Variants in KCNIP4 observed in about 807,000 individuals in gnomAD.
KCNIP4 encodes the protein potassium voltage-gated channel interacting protein 4, also known as Kv channel-interacting protein 4.
Under a neutral mutation model 34.0 loss-of-function variants are expected in KCNIP4, and 12 were observed. The ratio of observed to expected loss-of-function variants is 0.35; its 90% CI spans 0.23 to 0.57. The LOEUF is 0.57. Ranked by LOEUF, KCNIP4 falls within the 20% of genes least tolerant of loss-of-function variation. The probability of loss-of-function intolerance (pLI) is 0.83; values close to 1 mark genes in which losing one functional copy is unlikely to be tolerated. For synonymous variants in KCNIP4, 124 were observed against 102.2 expected (o/e 1.21, Z -1.29); for missense variants, 238 against 311.7 (o/e 0.76, Z 1.78).
chr4:21,152,903 C>A (rs1752862890), intron 1 of KCNIP4, among the ~76,000 whole-genome samples: 1 of 152,148 alleles, frequency 6.6e-6, no homozygotes, highest in Non-Finnish European at 1.5e-5. Context: ...TCCCCACCCC[C>A]CAACCCTGTC....
chr4:20,836,544 G>T (rs937125180), intron 3 of KCNIP4, among the ~76,000 whole-genome samples: 1 of 152,154 alleles, frequency 6.6e-6, no homozygotes, highest in African/African-American at 2.4e-5. Flanking sequence ...CTGTAGGGCA[G>T]GTGAGCAGGC....
intron 1 of KCNIP4, among the ~76,000 whole-genome samples, chr4:21,482,861 C>A (rs1731557333): frequency 6.6e-6 from 1 of 151,984 alleles, no homozygotes; most frequent in Non-Finnish European, 1.5e-5. Flanking sequence ...GTTGGCCTGA[C>A]TTGCTAGATA....
intron 1 of KCNIP4, among the ~76,000 whole-genome samples, chr4:21,815,962 T>C (rs945505775): frequency 1.3e-5 from 2 of 152,172 alleles, no homozygotes; most frequent in African/African-American, 2.4e-5. Context: ...TAAAAAAAGT[T>C]CAATTTCATC....
intron 1 of KCNIP4, among the ~76,000 whole-genome samples, chr4:21,129,324 A>G (rs1836089): frequency 0.68 from 103,806 of 152,094 alleles, 35,986 homozygotes; most frequent in African/African-American, 0.79. Flanking sequence ...AGCAGTGTGA[A>G]AACAGACAGC....
At chr4:21,334,313 T>G (rs1715943790) in intron 1 of KCNIP4, among the ~76,000 whole-genome samples, 1 of 152,002 alleles carries the variant, frequency 6.6e-6, no homozygotes, top group African/African-American at 2.4e-5. Context: ...CACTATGTAC[T>G]AAGATCTCCA....
At chr4:21,815,082 T>C (rs1213167364) in intron 1 of KCNIP4, among the ~76,000 whole-genome samples, 1 of 152,106 alleles carries the variant, frequency 6.6e-6, no homozygotes, top group Non-Finnish European at 1.5e-5. Flanking sequence ...TATTAATTCA[T>C]TTGAAAGTTA....
At chr4:20,817,531 C>T (rs992357291) in intron 3 of KCNIP4, among the ~76,000 whole-genome samples, 3 of 152,262 alleles carry the variant, frequency 2.0e-5, no homozygotes, top group Non-Finnish European at 2.9e-5. Flanking sequence ...CACCTTCCCC[C>T]TTTTCGCTCC....
At chr4:21,913,094 C>T (rs1728431547) in intron 1 of KCNIP4, among the ~76,000 whole-genome samples, 1 of 151,832 alleles carries the variant, frequency 6.6e-6, no homozygotes, top group South Asian at 2.1e-4. Flanking sequence ...GCAGGTGTTG[C>T]AACCTGCATT....
intron 1 of KCNIP4, among the ~76,000 whole-genome samples, chr4:21,122,697 T>G (rs546662114): frequency 7.2e-5 from 11 of 152,122 alleles, no homozygotes; most frequent in Non-Finnish European, 2.9e-5. Context: ...AGAATGAGGA[T>G]GAGGAAGTGA....
chr4:21,200,455 GC>G (rs1458392314), intron 1 of KCNIP4, among the ~76,000 whole-genome samples: 1 of 150,314 alleles, frequency 6.7e-6, no homozygotes, highest in Non-Finnish European at 1.5e-5. Context: ...ATACTACACA[GC>G]CATAAAAAAG....
intron 1 of KCNIP4, among the ~76,000 whole-genome samples, chr4:21,232,275 T>C (rs1758849689): frequency 6.6e-6 from 1 of 151,130 alleles, no homozygotes; most frequent in Non-Finnish European, 1.5e-5. Flanking sequence ...TGTAATCGAT[T>C]TGTTGAGTTA....
chr4:21,321,399 C>T (rs1714399028), intron 1 of KCNIP4, among the ~76,000 whole-genome samples: 1 of 152,034 alleles, frequency 6.6e-6, no homozygotes, highest in Non-Finnish European at 1.5e-5. Context: ...AAGTGACAAC[C>T]AGGGAAGATA....
At chr4:21,779,032 G>C (rs1719394407) in intron 1 of KCNIP4, among the ~76,000 whole-genome samples, 1 of 151,806 alleles carries the variant, frequency 6.6e-6, no homozygotes, top group Non-Finnish European at 1.5e-5. Context: ...GAGAGAGAGA[G>C]AGAAGATTAT....
intron 1 of KCNIP4, among the ~76,000 whole-genome samples, chr4:21,471,357 G>A (rs778014418): frequency 6.6e-6 from 1 of 152,082 alleles, no homozygotes; most frequent in Non-Finnish European, 1.5e-5. Context: ...CTAATTCCCA[G>A]AGTCCTAATA....
chr4:20,758,767 G>T (rs1163539855), intron 4 of KCNIP4, 54 bp downstream of exon 4: 1 of 1,387,922 alleles, frequency 7.2e-7, no homozygotes, highest in Non-Finnish European at 1.0e-6. Flanking sequence ...ACTCAACACT[G>T]CAAGCATAAT....
chr4:21,527,026 T>C (rs1487966589), intron 1 of KCNIP4, among the ~76,000 whole-genome samples: 1 of 152,200 alleles, frequency 6.6e-6, no homozygotes, highest in Non-Finnish European at 1.5e-5. Context: ...TTTTCCTACA[T>C]ACATCTGCAC....
At chr4:21,131,729 G>A (rs141545413) in intron 1 of KCNIP4, among the ~76,000 whole-genome samples, 1 of 152,332 alleles carries the variant, frequency 6.6e-6, no homozygotes, top group African/African-American at 2.4e-5. Context: ...TGATTACCCT[G>A]TTGTGTCCAG....
intron 1 of KCNIP4, among the ~76,000 whole-genome samples, chr4:21,588,383 C>G (rs1016305893): frequency 2.0e-5 from 3 of 151,882 alleles, no homozygotes; most frequent in Non-Finnish European, 4.4e-5. Context: ...CTGATCTTCC[C>G]TCCTCCCCTC....
chr4:21,629,225 C>G (rs999764725), intron 1 of KCNIP4, among the ~76,000 whole-genome samples: 16 of 152,180 alleles, frequency 1.1e-4, no homozygotes, highest in Non-Finnish European at 1.9e-4. Context: ...TAAAAGAAGA[C>G]ATATTGTGTC....
Sources: gnomAD v4.1 joint callset for allele counts (sites outside exome capture counted in the v4.1 genomes callset) on GRCh38, gnomAD v4.1.1 for gene constraint, MANE v1.5 for transcripts, NCBI Gene and HGNC (gene_info 2026-07-23, HGNC 2026-07-21) for gene names.